The following NTM variants were observed in gnomAD, a reference collection of about 807,000 sequenced individuals.
NTM encodes the protein neurotrimin, also known as IgLON family member 2.
Under a neutral mutation model 42.1 loss-of-function variants are expected in NTM, and 13 were observed. The observed-to-expected ratio is 0.31, with a 90% CI of 0.20 to 0.49. The LOEUF is 0.49. NTM is among the 20% of genes least tolerant of loss of function. NTM has a pLI of 0.99. For missense variants in NTM, 373 were observed against 452.8 expected (o/e 0.82, Z 1.60); for synonymous variants, 187 against 179.2 (o/e 1.04, Z -0.35).
At chr11:131,413,099 T>C (rs1287898830) in intron 1 of NTM, among the ~76,000 whole-genome samples, 1 of 152,192 alleles carries the variant, frequency 6.6e-6, no homozygotes. Flanking sequence ...CTGCCTCAAC[T>C]CTTCCCTTGT....
intron 2 of NTM, among the ~76,000 whole-genome samples, chr11:132,095,480 A>C (rs1360372539): frequency 1.3e-5 from 2 of 152,204 alleles, no homozygotes; most frequent in Non-Finnish European, 2.9e-5. Context: ...TTAACCACAG[A>C]AGGCATAGAG....
chr11:132,018,657 T>C (rs1052237051), intron 2 of NTM, among the ~76,000 whole-genome samples: 1 of 152,028 alleles, frequency 6.6e-6, no homozygotes, highest in African/African-American at 2.4e-5. Context: ...TTTGCATCTA[T>C]GTTTATGAGA....
intron 1 of NTM, among the ~76,000 whole-genome samples, chr11:131,497,071 G>T (rs1301973817): frequency 1.3e-5 from 2 of 152,208 alleles, no homozygotes; most frequent in African/African-American, 4.8e-5. Flanking sequence ...GGAAGAGAAA[G>T]TCAGCTCTAT....
intron 2 of NTM, among the ~76,000 whole-genome samples, chr11:132,112,040 C>T (rs2136763908): frequency 6.6e-6 from 1 of 152,308 alleles, no homozygotes; most frequent in East Asian, 1.9e-4. Flanking sequence ...AAAAGGTCAT[C>T]CCTCCCTCTC....
At chr11:131,792,722 C>T (rs1273257081) in intron 1 of NTM, among the ~76,000 whole-genome samples, 1 of 152,306 alleles carries the variant, frequency 6.6e-6, no homozygotes, top group African/African-American at 2.4e-5. Flanking sequence ...TGAAACGCCA[C>T]GTGCAGCCCC....
chr11:131,531,791 A>G (rs1240604623), intron 1 of NTM, among the ~76,000 whole-genome samples: 1 of 152,232 alleles, frequency 6.6e-6, no homozygotes, highest in Non-Finnish European at 1.5e-5. Context: ...GTATGGGAAC[A>G]TTAAGTCTTC....
chr11:132,121,659 A>G lies in NTM; in HGVS notation c.168-24623A>G, dbSNP rs1033153043. ...AATTCTCATTTTATTTTCCTTTCCC[A>G]TGAGTCATTTGTGTCCTCACACAGC... On this transcript the variant is annotated intron_variant, in intron 2 of 8. Transcript: ENST00000683400. Among the ~76,000 whole-genome samples, 10 of 152,052 alleles carry G rather than the reference A, an allele frequency of 6.6e-5. 1 individual carries two copies. Among genetic ancestry groups the G allele is most frequent in the Admixed American group, 5.9e-4 (9 of 15,268 alleles).
intron 3 of NTM, among the ~76,000 whole-genome samples, chr11:132,196,751 A>C (rs183299261): frequency 6.6e-6 from 1 of 152,262 alleles, no homozygotes; most frequent in African/African-American, 2.4e-5. Flanking sequence ...AGAAGGAAAC[A>C]ATAGACTGTA....
chr11:131,514,912 T>A (rs1401208953), intron 1 of NTM, among the ~76,000 whole-genome samples: 1 of 151,090 alleles, frequency 6.6e-6, no homozygotes, highest in Admixed American at 6.6e-5. Flanking sequence ...TATATACACA[T>A]AAAGAGAGAG....
At chr11:131,391,644 G>GAAAAAAA (rs5795723) in intron 1 of NTM, among the ~76,000 whole-genome samples, 87 of 81,500 alleles carry the variant, frequency 1.1e-3, no homozygotes, top group Admixed American at 1.5e-3. Flanking sequence ...TTTTATCTGG[G>GAAAAAAA]AAAAAAAAAA....
intron 2 of NTM, among the ~76,000 whole-genome samples, chr11:131,951,249 T>C (rs1355187604): frequency 1.3e-5 from 2 of 152,226 alleles, no homozygotes; most frequent in South Asian, 4.1e-4. Context: ...CATCTTTTTT[T>C]TTCCTTAGCC....
At chr11:132,237,805 C>G (rs1592432785) in intron 4 of NTM, among the ~76,000 whole-genome samples, 1 of 152,168 alleles carries the variant, frequency 6.6e-6, no homozygotes, top group African/African-American at 2.4e-5. Flanking sequence ...TCATCCTCCC[C>G]GCTCAGCCAG....
At chr11:131,726,086 C>A (rs78628908) in intron 1 of NTM, among the ~76,000 whole-genome samples, 4,444 of 152,154 alleles carry the variant, frequency 0.029, 245 homozygotes, top group African/African-American at 0.1. Context: ...TTTGAGGCCC[C>A]AAAGAAAAGG....
At chr11:131,771,983 AT>A (rs1325203418) in intron 1 of NTM, among the ~76,000 whole-genome samples, 1 of 151,870 alleles carries the variant, frequency 6.6e-6, no homozygotes, top group African/African-American at 2.4e-5. Context: ...TTTCAAATCT[AT>A]TTTTCATTAT....
At chr11:132,221,917 T>C (rs532184275) in intron 4 of NTM, among the ~76,000 whole-genome samples, 1 of 152,358 alleles carries the variant, frequency 6.6e-6, no homozygotes, top group East Asian at 1.9e-4. Context: ...ATTGATTTCC[T>C]GCTTGATGTC....
chr11:131,688,083 C>G (rs2074137303), intron 1 of NTM, among the ~76,000 whole-genome samples: 1 of 152,248 alleles, frequency 6.6e-6, no homozygotes, highest in African/African-American at 2.4e-5. Flanking sequence ...AGGGGTGCGA[C>G]GCGCGCTGCC....
At chr11:132,058,940 G>A (rs185194210) in intron 2 of NTM, among the ~76,000 whole-genome samples, 1 of 152,364 alleles carries the variant, frequency 6.6e-6, no homozygotes, top group African/African-American at 2.4e-5. Context: ...TTGTGAAAAT[G>A]TGAAGTAGAG....
chr11:132,226,712 G>A (rs568895806), intron 4 of NTM, among the ~76,000 whole-genome samples: 12 of 152,124 alleles, frequency 7.9e-5, no homozygotes, highest in Non-Finnish European at 1.3e-4. Context: ...TGTTGATTTC[G>A]TCCATCAAGA....
intron 2 of NTM, among the ~76,000 whole-genome samples, chr11:132,069,829 A>G (rs71485721): frequency 2.0e-5 from 3 of 147,182 alleles, no homozygotes; most frequent in Non-Finnish European, 4.5e-5. Flanking sequence ...CAAACTGACC[A>G]TCACAGGTTA....
Sources: allele counts gnomAD v4.1 joint callset (sites outside exome capture counted in the v4.1 genomes callset), GRCh38; gene constraint gnomAD v4.1.1; transcripts MANE v1.5; gene names NCBI Gene and HGNC (gene_info 2026-07-23, HGNC 2026-07-21).